CIBAR1: variants seen among roughly 807,000 people sequenced by gnomAD.
CIBAR1 encodes CBY1 interacting BAR domain containing 1.
A neutral mutation model predicts 44.0 loss-of-function variants in CIBAR1; 25 were observed. The ratio of observed to expected loss-of-function variants is 0.57; its 90% CI spans 0.41 to 0.79. The LOEUF is 0.79. Among genes scored for constraint, CIBAR1 ranks in the 30% least tolerant of loss-of-function variants. The pLI, the probability that CIBAR1 is intolerant of heterozygous loss-of-function variation, is 0.00. For synonymous variants in CIBAR1, 115 were observed against 119.0 expected (o/e 0.97, Z 0.22); for missense variants, 278 against 344.8 (o/e 0.81, Z 1.53).
intron 3 of CIBAR1, among the ~76,000 whole-genome samples, 152 bp downstream of exon 3, chr8:93,703,840 G>A (rs953121356): frequency 5.3e-5 from 8 of 151,924 alleles, no homozygotes; most frequent in African/African-American, 1.7e-4. Flanking sequence ...CGAGGCGGGC[G>A]GATCACGAGG....
In CIBAR1 at chr8:93,728,227, A is replaced by G. The variant is rs533013204; in HGVS notation, c.800A>G (p.Lys267Arg). The G allele has an allele frequency of 2.1e-5, 33 of 1,593,466 alleles. No homozygotes were observed. The African/African-American group carries it at 3.9e-4, about 19-fold the overall frequency. ...CAGGTATCCACTTGTCGACTAAGAA[A>G]GGATCAACAAGCAGAAGATGATGAG... Reference protein sequence around the residue: ...TGQVSTCRLRKDQQAEDDEDD... With the variant: ...TGQVSTCRLRRDQQAEDDEDD... The change falls in exon 9 of 9, where the codon AAG becomes AGG. Residue 267 changes from lysine to arginine, a missense_variant. Around this residue, in one of 3 missense-constraint regions of CIBAR1, gnomAD observed 93 missense variants for 108.9 expected, o/e 0.85. Transcript: ENST00000518322.
At chr8:93,706,532 C>T (rs1012308202) in intron 4 of CIBAR1, among the ~76,000 whole-genome samples, 1 of 152,036 alleles carries the variant, frequency 6.6e-6, no homozygotes, top group Non-Finnish European at 1.5e-5. Flanking sequence ...CATCTGGAAT[C>T]CTGAGTAGTT....
chr8:93,703,487 A>G, intron 2 of CIBAR1, 133 bp from the exon 3 acceptor site: 1 of 564,000 alleles, frequency 1.8e-6, no homozygotes, highest in Non-Finnish European at 3.1e-6. Flanking sequence ...TTTTACTATT[A>G]CTGTGCAGCT....
Position 93,729,148 on chromosome 8 carries a change from C to G in CIBAR1, c.*851C>G, listed in dbSNP as rs1304706046. ...TAAGGAATACTTTTATTTCATGGAT[C>G]CCAGGCAGGCATATAAAAGTTACGG... On this transcript the variant is annotated 3_prime_UTR_variant, in exon 9 of 9. Transcript: ENST00000518322. 6.6e-6 allele frequency: 1 copy of G among 151,990 alleles called. No individual in the cohort carries two copies. Among genetic ancestry groups the G allele is most frequent in the Non-Finnish European group, 1.5e-5 (1 of 67,952 alleles). 9.4% of individuals were successfully genotyped at this position (151,990 alleles called of 1,614,324 possible). A position where few individuals can be genotyped will look rare whatever the true frequency, so the allele number is the denominator to read the frequency against.
At chr8:93,700,992 C>G in intron 1 of CIBAR1, 1 of 1,405,498 alleles carries the variant, frequency 7.1e-7, no homozygotes, top group South Asian at 1.7e-5. Context: ...GCAGCCACCT[C>G]CCCAGTTAAG....
chr8:93,707,917 T>C (rs1810664227), intron 4 of CIBAR1, 94 bp from the exon 5 acceptor site: 2 of 760,256 alleles, frequency 2.6e-6, no homozygotes, highest in South Asian at 2.2e-5. Flanking sequence ...ATAACCTAAT[T>C]GTAAGTGTAT....
In CIBAR1 at chr8:93,703,652, C is replaced by G; in HGVS notation, c.294C>G (p.Pro98=). The G allele has an allele frequency of 6.4e-7, 1 of 1,551,698 alleles. No homozygotes were observed. Among genetic ancestry groups the G allele is most frequent in the Non-Finnish European group, 8.7e-7 (1 of 1,147,360 alleles). ...GACTTGAAGCCAAAGTAGTTGAACCCTTGAAAACTTATGGGACCATTGTGA... is the reference window on the plus strand; with the variant it reads ...GACTTGAAGCCAAAGTAGTTGAACCGTTGAAAACTTATGGGACCATTGTGA... ...VERLEAKVVE[P]LKTYGTIVKM... The change falls in exon 3 of 9, where the codon CCC becomes CCG. Residue 98 remains proline, a synonymous_variant. Transcript: ENST00000518322.
intron 7 of CIBAR1, chr8:93,724,627 T>C (rs202146256): frequency 1.6e-5 from 19 of 1,220,540 alleles, no homozygotes; most frequent in Admixed American, 2.8e-5. Context: ...CCCAGGCTTA[T>C]AGTTTGGTCT....
intron 6 of CIBAR1, among the ~76,000 whole-genome samples, chr8:93,717,610 A>G (rs1811083317): frequency 6.6e-6 from 1 of 152,152 alleles, no homozygotes; most frequent in African/African-American, 2.4e-5. Flanking sequence ...GGAAAGAATC[A>G]CAGGCCACTG....
chr8:93,724,338 T>G (rs1424436134), intron 7 of CIBAR1, among the ~76,000 whole-genome samples: 2 of 152,230 alleles, frequency 1.3e-5, no homozygotes, highest in South Asian at 2.1e-4. Flanking sequence ...ATATAAAATT[T>G]TTTTTAAGAC....
chr8:93,710,376 T>C (rs1294424342), intron 6 of CIBAR1, among the ~76,000 whole-genome samples: 1 of 151,386 alleles, frequency 6.6e-6, no homozygotes, highest in Non-Finnish European at 1.5e-5. Flanking sequence ...GAAACAGTGA[T>C]ATATAAAAGA....
In CIBAR1 at chr8:93,718,687, G is replaced by T. The variant is rs1563647499; in HGVS notation, c.556G>T (p.Glu186Ter). The stretch of plus-strand genomic sequence containing the variant: ...TGGTTTTTTTTAGACTATATTTTCT[G>T]AATTTATCACAATCGAAATGTTATT... ...KMKDIKTIFS[E>*]FITIEMLFHG... The change falls in exon 7 of 9, where the codon GAA becomes TAA. Residue 186 changes from glutamate (E) to a stop codon, truncating the protein, a stop_gained. Transcript: ENST00000518322. LOFTEE classifies it high-confidence loss of function. 6 of 1,534,814 alleles carry T rather than the reference G, an allele frequency of 3.9e-6. No homozygotes were observed. The highest frequency in any genetic ancestry group is 4.4e-6 in the Non-Finnish European group (5 of 1,136,920).
intron 6 of CIBAR1, chr8:93,716,030 CA>C (rs1167302005): frequency 6.6e-6 from 1 of 152,072 alleles, no homozygotes. Context: ...AGCACAGGTA[CA>C]ATGGTGAGTT....
intron 7 of CIBAR1, among the ~76,000 whole-genome samples, chr8:93,721,591 C>T (rs1474698010): frequency 8.5e-5 from 13 of 152,162 alleles, no homozygotes; most frequent in Admixed American, 7.2e-4. Context: ...AACTTCTTCG[C>T]TCTTCAGCTT....
intron 6 of CIBAR1, among the ~76,000 whole-genome samples, chr8:93,713,197 T>A (rs1376661621): frequency 6.6e-6 from 1 of 151,978 alleles, no homozygotes; most frequent in Non-Finnish European, 1.5e-5. Context: ...CACACCCGGC[T>A]AATTTTTGTA....
At chr8:93,719,434 A>G (rs1189942257) in intron 7 of CIBAR1, 1 of 152,240 alleles carries the variant, frequency 6.6e-6, no homozygotes, top group East Asian at 1.9e-4. Context: ...GAGTGTTTAC[A>G]TCATGCACAA....
At chr8:93,717,455 G>T (rs1292018901) in intron 6 of CIBAR1, among the ~76,000 whole-genome samples, 1 of 152,204 alleles carries the variant, frequency 6.6e-6, no homozygotes, top group Non-Finnish European at 1.5e-5. Context: ...TGAAGTGACA[G>T]TAAGGGTCAT....
chr8:93,708,872 CAGT>C (rs1810708511), intron 5 of CIBAR1, among the ~76,000 whole-genome samples: 1 of 152,182 alleles, frequency 6.6e-6, no homozygotes, highest in African/African-American at 2.4e-5. Context: ...ATCAAACTCT[CAGT>C]GGTAGAAATT....
chr8:93,722,426 C>A (rs773047701), intron 7 of CIBAR1, among the ~76,000 whole-genome samples: 2 of 152,132 alleles, frequency 1.3e-5, no homozygotes, highest in Non-Finnish European at 2.9e-5. Context: ...CAGCTGGGCG[C>A]GGTGGCTCAT....
Sources: allele counts gnomAD v4.1 joint callset (sites outside exome capture counted in the v4.1 genomes callset), GRCh38; gene constraint gnomAD v4.1.1; regional missense constraint gnomAD v4.1.1; transcripts MANE v1.5; gene names NCBI Gene and HGNC (gene_info 2026-07-23, HGNC 2026-07-21).